Variants in ZNF721 observed in about 807,000 individuals in gnomAD.
ZNF721 encodes zinc finger protein 721.
ZNF721 carries 2 observed loss-of-function variants against 2.4 expected under a neutral mutation model. The observed-to-expected ratio is 0.82, with a 90% CI of 0.34 to 2.58. ZNF721 has a LOEUF of 2.58. Ranked by LOEUF, ZNF721 falls within the 30% of genes most tolerant of loss-of-function variation. The pLI is 0.11. For synonymous variants in ZNF721, 398 were observed against 381.8 expected (o/e 1.04, Z -0.50); for missense variants, 1,187 against 1,085.5 (o/e 1.09, Z -1.31).
chr4:479,178 G>C (rs539737098), intron 1 of ZNF721, among the ~76,000 whole-genome samples: 9 of 152,288 alleles, frequency 5.9e-5, no homozygotes, highest in African/African-American at 2.2e-4. Flanking sequence ...CCAAGATGAA[G>C]CTGCTGCTTC....
chr4:487,131 G>T (rs1311642058), intron 1 of ZNF721, among the ~76,000 whole-genome samples: 1 of 152,188 alleles, frequency 6.6e-6, no homozygotes, highest in Non-Finnish European at 1.5e-5. Context: ...ACAGCAATTT[G>T]AAAAATTTCT....
intron 2 of ZNF721, among the ~76,000 whole-genome samples, chr4:455,657 C>G (rs1294004202): frequency 6.6e-6 from 1 of 151,704 alleles, no homozygotes; most frequent in Admixed American, 6.6e-5. Context: ...AATATTACAC[C>G]AATGACAATA....
At chr4:496,041 G>T (rs538164811) in intron 1 of ZNF721, among the ~76,000 whole-genome samples, 3 of 152,164 alleles carry the variant, frequency 2.0e-5, no homozygotes, top group African/African-American at 7.2e-5. Context: ...CAAAAAGGTG[G>T]CGTTGTTATG....
At chr4:489,009 T>C (rs1715963820) in intron 1 of ZNF721, among the ~76,000 whole-genome samples, 1 of 152,098 alleles carries the variant, frequency 6.6e-6, no homozygotes, top group South Asian at 2.1e-4. Flanking sequence ...AACTTCCTCT[T>C]ATGCCAGGAT....
chr4:442,759 C>T lies in ZNF721; in HGVS notation c.1708G>A (p.Ala570Thr), dbSNP rs782446741. Residue 570 changes from alanine to threonine, a missense_variant, in exon 3 of 3, where the codon GCA (alanine) becomes ACA (threonine). Ala to Thr is a moderately conservative substitution (Grantham distance 58). Coordinates refer to ENST00000511833, the MANE Select transcript of ZNF721 (RefSeq NM_133474.4). ...ATTCTCCTATGTACATAAAGGTTTG[C>T]GGACTGTCTAAAGGTTTTGCCACAT... is the stretch of plus-strand genomic sequence containing the variant. ...EECGKTFRQS[A>T]NLYVHRRIHT... 213 of 1,612,642 alleles carry T rather than the reference C, an allele frequency of 1.3e-4. No individual in the cohort carries two copies. The highest frequency in any genetic ancestry group is 1.5e-4 in the Non-Finnish European group (180 of 1,179,614).
chr4:451,999 C>T (rs1714682205), intron 2 of ZNF721, among the ~76,000 whole-genome samples: 1 of 152,152 alleles, frequency 6.6e-6, no homozygotes, highest in South Asian at 2.1e-4. Flanking sequence ...GAGGTAATTT[C>T]CCGGTATAGA....
intron 1 of ZNF721, among the ~76,000 whole-genome samples, chr4:476,595 G>A (rs1029317012): frequency 1.3e-5 from 2 of 152,102 alleles, no homozygotes; most frequent in African/African-American, 2.4e-5. Flanking sequence ...ACACCAGATC[G>A]ACTGAGCAGT....
chr4:444,361 G>A lies in ZNF721; in HGVS notation c.106C>T (p.Leu36=), dbSNP rs1287280072. The A allele has an allele frequency of 1.9e-6, 3 of 1,613,018 alleles. No individual in the cohort carries two copies. The highest frequency in any genetic ancestry group is 1.3e-5 in the African/African-American group (1 of 74,850). The change falls in exon 3 of 3, where the codon CTG becomes TTG. Residue 36 remains leucine (L), a synonymous_variant. Transcript: ENST00000511833. The part of the protein sequence containing the change: ...GIEDSFHKLI[L]RRYEKCGHDN... Reference sequence around the variant, plus strand: ...TGCCCACATTTCTCATATCTTCTCAGTATAAGTTTGTGGAATGAATCTTCT... The same window carrying A: ...TGCCCACATTTCTCATATCTTCTCAATATAAGTTTGTGGAATGAATCTTCT...
chr4:478,418 T>C (rs1715690436), intron 1 of ZNF721, among the ~76,000 whole-genome samples: 1 of 152,230 alleles, frequency 6.6e-6, no homozygotes, highest in Non-Finnish European at 1.5e-5. Flanking sequence ...CTCCCTGTGT[T>C]GTCCAGGTTG....
chr4:469,707 G>A (rs1715372256), intron 2 of ZNF721, among the ~76,000 whole-genome samples: 1 of 152,094 alleles, frequency 6.6e-6, no homozygotes, highest in South Asian at 2.1e-4. Context: ...AAAGAGTATG[G>A]CATGTGCATA....
chr4:466,394 A>G (rs1230608127), intron 2 of ZNF721, among the ~76,000 whole-genome samples: 2 of 152,164 alleles, frequency 1.3e-5, no homozygotes, highest in African/African-American at 4.8e-5. Context: ...CTCCATCTTC[A>G]TTTATGCTTG....
Position 444,028 on chromosome 4 carries a change from CAA to C in ZNF721, c.437_438del (p.Phe146TrpfsTer22). 3.1e-6 allele frequency: 5 copies of C among 1,613,470 alleles called. No individual in the cohort carries two copies. The highest frequency in any genetic ancestry group is 4.2e-6 in the Non-Finnish European group (5 of 1,179,648). ...TGTTGATTCAGGTCTGTGTACCATC[CAA>C]AGTCTTTGCCACGTTCTTCACAAGT... Reference protein sequence around the residue: ...PYTCEERGKDFGWYTDLNQHK... With the variant: ...PYTCEERGKDXGWYTDLNQHK... On this transcript the variant is annotated frameshift_variant, in exon 3 of 3. Coordinates refer to ENST00000511833, the MANE Select transcript of ZNF721 (RefSeq NM_133474.4). LOFTEE classifies it low-confidence loss of function (END_TRUNC).
At chr4:476,776 T>G (rs1715633156) in intron 1 of ZNF721, among the ~76,000 whole-genome samples, 1 of 152,212 alleles carries the variant, frequency 6.6e-6, no homozygotes, top group South Asian at 2.1e-4. Context: ...CTCTCATGGT[T>G]GTAGTTCTCC....
intron 2 of ZNF721, among the ~76,000 whole-genome samples, chr4:452,346 G>C (rs1714696537): frequency 6.6e-6 from 1 of 152,162 alleles, no homozygotes; most frequent in African/African-American, 2.4e-5. Flanking sequence ...CACGGTAATA[G>C]TCCATTTTAC....
At chr4:456,763 C>T (rs1045879046) in intron 2 of ZNF721, among the ~76,000 whole-genome samples, 1 of 152,110 alleles carries the variant, frequency 6.6e-6, no homozygotes, top group African/African-American at 2.4e-5. Flanking sequence ...CCTGTAGTAC[C>T]AGCTACTTGG....
chr4:448,781 C>G lies in ZNF721; in HGVS notation c.35-4349G>C, dbSNP rs189449058. ...AAAATCTGCCAAAAATACAAACTCA[C>G]ACACGGTCACATGAAGAGTTTTAGA... On this transcript the variant is annotated intron_variant, in intron 2 of 2. Coordinates refer to ENST00000511833, the MANE Select transcript of ZNF721 (RefSeq NM_133474.4). Among the ~76,000 whole-genome samples the G allele has an allele frequency of 6.1e-4, 93 of 152,302 alleles. No homozygotes were observed. In the Middle Eastern group the frequency reaches 0.01, roughly 17 times the overall value.
At chr4:473,950 A>G in intron 1 of ZNF721, 1 of 1,504,578 alleles carries the variant, frequency 6.6e-7, no homozygotes, top group Non-Finnish European at 9.0e-7. Flanking sequence ...AGGCCTCCCC[A>G]GCCTTGGGAC....
chr4:486,349 A>G (rs1715897301), intron 1 of ZNF721, among the ~76,000 whole-genome samples: 3 of 151,958 alleles, frequency 2.0e-5, no homozygotes, highest in Non-Finnish European at 4.4e-5. Context: ...TAGTAGAGAC[A>G]GGGTTTCACC....
intron 2 of ZNF721, among the ~76,000 whole-genome samples, chr4:471,498 A>C (rs868951928): frequency 6.6e-6 from 1 of 152,194 alleles, no homozygotes; most frequent in Non-Finnish European, 1.5e-5. Context: ...GGGTAAATCT[A>C]AAAATGTAAA....
Sources: gnomAD v4.1 joint callset for allele counts (sites outside exome capture counted in the v4.1 genomes callset) on GRCh38, gnomAD v4.1.1 for gene constraint, MANE v1.5 for transcripts, NCBI Gene and HGNC (gene_info 2026-07-23, HGNC 2026-07-21) for gene names.